CAMSAP2: variants seen among roughly 807,000 people sequenced by gnomAD.
CAMSAP2 encodes the protein calmodulin-regulated spectrin-associated protein 2.
Under a neutral mutation model 146.1 loss-of-function variants are expected in CAMSAP2, and 26 were observed. The observed-to-expected ratio is 0.18, with a 90% CI of 0.13 to 0.25. The LOEUF is 0.25. Among genes scored for constraint, CAMSAP2 ranks in the 10% least tolerant of loss-of-function variants. The probability of loss-of-function intolerance (pLI) is 1.00; values close to 1 mark genes in which losing one functional copy is unlikely to be tolerated. For missense variants in CAMSAP2, 1,381 were observed against 1,759.3 expected (o/e 0.78, Z 3.85); for synonymous variants, 499 against 596.6 (o/e 0.84, Z 2.38).
chr1:200,758,685 A>T (rs995387469), intron 1 of CAMSAP2, among the ~76,000 whole-genome samples: 7 of 152,194 alleles, frequency 4.6e-5, no homozygotes, highest in African/African-American at 9.7e-5. Context: ...TTTCAAACTC[A>T]ATATGTCTAA....
At position 200,822,654 on chromosome 1, in the gene CAMSAP2, A is replaced by C. The variant is rs1238672877; in HGVS notation, c.645+7010A>C. Among the ~76,000 whole-genome samples, 5 of 152,218 alleles carry C rather than the reference A, an allele frequency of 3.3e-5. No homozygotes were observed. The South Asian group carries it at 1.0e-3, about 32-fold the overall frequency. ...TCTGGTTTCTTGACTACAGGGTTAC[A>C]TTAGTCCTCTTTTATCCTCAGAGGA... On this transcript the variant is annotated intron_variant, in intron 4 of 16. Coordinates refer to ENST00000358823, the MANE Select transcript of CAMSAP2 (RefSeq NM_203459.4).
intron 6 of CAMSAP2, among the ~76,000 whole-genome samples, chr1:200,838,625 A>C (rs58729705): frequency 2.8e-3 from 426 of 152,322 alleles, no homozygotes; most frequent in African/African-American, 9.4e-3. Flanking sequence ...AGATGAGGAA[A>C]CTTGGAGAAT....
At position 200,822,055 on chromosome 1, in the gene CAMSAP2, A is replaced by G. The variant is rs964791217; in HGVS notation, c.645+6411A>G. The stretch of plus-strand genomic sequence containing the variant: ...GAATTCTCAAACTCTGTTCAGATTC[A>G]TCAGTTTTTCAACAGATTCATCAGT... On this transcript the variant is annotated intron_variant, in intron 4 of 16. Coordinates refer to ENST00000358823, the MANE Select transcript of CAMSAP2 (RefSeq NM_203459.4). 5.9e-5 allele frequency among the ~76,000 whole-genome samples: 9 copies of G among 152,230 alleles called. No individual in the cohort carries two copies. In the East Asian group the frequency reaches 1.5e-3, roughly 26 times the overall value.
At chr1:200,826,114 T>C (rs1265093359) in intron 4 of CAMSAP2, among the ~76,000 whole-genome samples, 1 of 152,038 alleles carries the variant, frequency 6.6e-6, no homozygotes, top group African/African-American at 2.4e-5. Context: ...CGGCATAACT[T>C]TTGGATCTGC....
intron 2 of CAMSAP2, among the ~76,000 whole-genome samples, chr1:200,762,650 TAGATAACCTA>T (rs2103003757): frequency 6.6e-6 from 1 of 152,356 alleles, no homozygotes; most frequent in South Asian, 2.1e-4. Flanking sequence ...ATATATGTCA[TAGATAACCTA>T]CTTATCCTTA....
At chr1:200,817,177 T>TAC (rs199622457) in intron 4 of CAMSAP2, among the ~76,000 whole-genome samples, 75 of 54,230 alleles carry the variant, frequency 1.4e-3, no homozygotes, top group African/African-American at 2.8e-3. Context: ...TGTGTGTATA[T>TAC]ACACACACAC....
rs2102250961 is a variant in CAMSAP2, at chr1:200,848,687, A to G, written c.1918A>G (p.Met640Val). 6.2e-7 allele frequency: 1 copy of G among 1,614,134 alleles called. No homozygotes were observed. The highest frequency in any genetic ancestry group is 1.1e-5 in the South Asian group (1 of 91,078). ...TTATACTGTAAGCTTGGACTCTGAC[A>G]TGGATGATGCATCTAAATTTCTTCA... ...RDYTVSLDSD[M>V]DDASKFLQDY... The change falls in exon 11 of 17, where the codon ATG becomes GTG. Residue 640 changes from methionine (M) to valine (V), a missense_variant. Transcript: ENST00000358823.
intron 4 of CAMSAP2, 23 bp downstream of exon 4, chr1:200,815,667 G>T: frequency 1.5e-6 from 2 of 1,355,070 alleles, no homozygotes; most frequent in Admixed American, 2.3e-5. Flanking sequence ...AAAACAAAAA[G>T]GTGCCTTTAT....
rs148458708 is a variant in CAMSAP2, at chr1:200,772,429, C to T, written c.399+11331C>T. Among the ~76,000 whole-genome samples, 94 of 152,040 alleles carry T rather than the reference C, an allele frequency of 6.2e-4. No homozygotes were observed. The East Asian group carries it at 0.015, about 25-fold the overall frequency. ...TTTGAGACCAGCCTGGACAACATGG[C>T]GAAACCCCGTCTTTACTAAACATAC... On this transcript the variant is annotated intron_variant, in intron 2 of 16. Coordinates refer to ENST00000358823, the MANE Select transcript of CAMSAP2 (RefSeq NM_203459.4).
intron 2 of CAMSAP2, among the ~76,000 whole-genome samples, chr1:200,798,846 A>G (rs1321843659): frequency 6.7e-6 from 1 of 150,000 alleles, no homozygotes; most frequent in African/African-American, 2.5e-5. Context: ...CATCCCATCA[A>G]TACCTAATTT....
At chr1:200,810,029 G>A (rs1222259077) in intron 3 of CAMSAP2, among the ~76,000 whole-genome samples, 1 of 152,170 alleles carries the variant, frequency 6.6e-6, no homozygotes, top group Non-Finnish European at 1.5e-5. Flanking sequence ...CCTCTTAAAG[G>A]TCCCACCTTT....
rs1558209821 is a variant in CAMSAP2, at chr1:200,849,898, A to G, written c.3129A>G (p.Glu1043=). The change falls in exon 11 of 17, where the codon GAA becomes GAG. Residue 1043 remains glutamate (E), a synonymous_variant. Coordinates refer to ENST00000358823, the MANE Select transcript of CAMSAP2 (RefSeq NM_203459.4). This position sits in a 1 kb window ranked among gnomAD's most constrained non-coding sequence, Gnocchi z 6.3. ...CTAAAGAGGAAGTTAAAAAGGAGGA[A>G]TTGGAATCCAAAGGGACTTTGGAAC... ...SKPKEEVKKE[E]LESKGTLEQR... 2 of 1,614,184 alleles carry G rather than the reference A, an allele frequency of 1.2e-6. No homozygotes were observed. Among genetic ancestry groups the G allele is most frequent in the Non-Finnish European group, 1.7e-6 (2 of 1,180,030 alleles).
intron 2 of CAMSAP2, among the ~76,000 whole-genome samples, chr1:200,765,780 A>G (rs189610092): frequency 3.0e-4 from 45 of 152,264 alleles, no homozygotes; most frequent in Admixed American, 2.7e-3. Flanking sequence ...ATGGGATGAG[A>G]GTAGTAACTG....
At chr1:200,825,077 A>G (rs141041549) in intron 4 of CAMSAP2, among the ~76,000 whole-genome samples, 45 of 152,322 alleles carry the variant, frequency 3.0e-4, no homozygotes, top group African/African-American at 9.9e-4. Flanking sequence ...GTCAAAGTAC[A>G]GTGTTCTTAA....
intron 4 of CAMSAP2, among the ~76,000 whole-genome samples, chr1:200,823,026 G>A (rs1231524890): frequency 6.6e-6 from 1 of 152,100 alleles, no homozygotes; most frequent in Non-Finnish European, 1.5e-5. Flanking sequence ...CTCTACCACT[G>A]TAAATAGCCT....
At chr1:200,805,816 A>G (rs1174755237) in intron 2 of CAMSAP2, among the ~76,000 whole-genome samples, 2 of 152,236 alleles carry the variant, frequency 1.3e-5, no homozygotes, top group African/African-American at 2.4e-5. Flanking sequence ...GGCTAGACTA[A>G]CAAAGCAGCT....
rs960445975 is a variant in CAMSAP2, at chr1:200,774,539, A to T, written c.399+13441A>T. 2.0e-5 allele frequency among the ~76,000 whole-genome samples: 3 copies of T among 152,244 alleles called. No individual in the cohort carries two copies. In the East Asian group the frequency reaches 5.8e-4, roughly 29 times the overall value. The stretch of plus-strand genomic sequence containing the variant: ...GTGGTTAGCAAACAAGTAAACAAAT[A>T]TTAAAAACGTAACTAGAGAGTGGTG... On this transcript the variant is annotated intron_variant, in intron 2 of 16. Coordinates refer to ENST00000358823, the MANE Select transcript of CAMSAP2 (RefSeq NM_203459.4).
chr1:200,854,799 T>A lies in CAMSAP2; in HGVS notation c.3824-18T>A. 1 of 1,600,440 alleles carries A rather than the reference T, an allele frequency of 6.2e-7. No individual in the cohort carries two copies. Among genetic ancestry groups the A allele is most frequent in the Admixed American group, 1.7e-5 (1 of 57,802 alleles). The stretch of plus-strand genomic sequence containing the variant: ...TTTTGTTTTTATTCAGGATCATGAA[T>A]TTATCGTGTTTTTTCAGTCTCTAGC... On this transcript the variant is annotated intron_variant, in intron 13 of 16. Transcript: ENST00000358823.
Position 200,855,990 on chromosome 1 carries a change from A to G in CAMSAP2, c.3897-20A>G, listed in dbSNP as rs372544959. On this transcript the variant is annotated intron_variant, in intron 14 of 16. Coordinates refer to ENST00000358823, the MANE Select transcript of CAMSAP2 (RefSeq NM_203459.4). ...TTTTTCTCTGTTTGAGACATAAAAC[A>G]TATTTTATTTTCTAATTAGATCAGA... 1.9e-5 allele frequency: 29 copies of G among 1,528,746 alleles called. No homozygotes were observed. The highest frequency in any genetic ancestry group is 2.5e-5 in the Non-Finnish European group (28 of 1,106,946). The allele number at this position is 1,528,746 out of a possible 1,614,324, so 94.7% of individuals were successfully genotyped here.
Sources: allele counts gnomAD v4.1 joint callset (sites outside exome capture counted in the v4.1 genomes callset), GRCh38; gene constraint gnomAD v4.1.1; non-coding constraint Gnocchi (gnomAD v3.1); transcripts MANE v1.5; gene names NCBI Gene and HGNC (gene_info 2026-07-23, HGNC 2026-07-21).